The following CLSTN2 variants were observed in gnomAD, a reference collection of about 807,000 sequenced individuals.
CLSTN2 encodes calsyntenin 2, also known as calsyntenin-2.
In CLSTN2, 48 loss-of-function variants were observed where a neutral mutation model predicts 101.2. The ratio of observed to expected loss-of-function variants is 0.47; its 90% confidence interval spans 0.38 to 0.60. CLSTN2 has a LOEUF of 0.60. Ranked by LOEUF, CLSTN2 falls within the 20% of genes least tolerant of loss-of-function variation. The pLI, the probability that CLSTN2 is intolerant of heterozygous loss-of-function variation, is 0.00. For missense variants in CLSTN2, 1,160 were observed against 1,238.2 expected (o/e 0.94, Z 0.95); for synonymous variants, 481 against 463.6 (o/e 1.04, Z -0.48).
Position 140,416,832 on chromosome 3 carries a change from A to C in CLSTN2, c.638-4293A>C, listed in dbSNP as rs367547884. ...TTGGCAGATTTTCTACTTTTCAAGC[A>C]ATTGTTTGGTCTTCATGCAGCCTCA... On this transcript the variant is annotated intron_variant, in intron 4 of 16. Transcript: ENST00000458420. 3.3e-5 allele frequency among the ~76,000 whole-genome samples: 5 copies of C among 152,346 alleles called. No individual in the cohort carries two copies. The East Asian group carries it at 7.7e-4, about 23-fold the overall frequency.
intron 2 of CLSTN2, among the ~76,000 whole-genome samples, chr3:140,378,924 C>T (rs1232054237): frequency 2.0e-5 from 3 of 152,220 alleles, no homozygotes; most frequent in African/African-American, 7.2e-5. Context: ...ACCCTTCCCT[C>T]CCACCTTTCC....
chr3:140,365,600 G>A (rs1020288443), intron 2 of CLSTN2, among the ~76,000 whole-genome samples: 1 of 152,086 alleles, frequency 6.6e-6, no homozygotes, highest in African/African-American at 2.4e-5. Flanking sequence ...GGAAACTAAG[G>A]CCCAGAGAGG....
At chr3:140,178,516 C>T (rs1020724795) in intron 2 of CLSTN2, among the ~76,000 whole-genome samples, 5 of 152,278 alleles carry the variant, frequency 3.3e-5, no homozygotes, top group African/African-American at 1.2e-4. Context: ...AACTTCTATA[C>T]TTCTATGATT....
chr3:140,056,941 C>G (rs80156439), intron 1 of CLSTN2, among the ~76,000 whole-genome samples: 1 of 152,112 alleles, frequency 6.6e-6, no homozygotes, highest in Admixed American at 6.5e-5. Flanking sequence ...GGGTGGGACC[C>G]AGAATCCTGA....
chr3:139,961,730 TAATAA>T (rs1328543472), intron 1 of CLSTN2, among the ~76,000 whole-genome samples: 1 of 152,180 alleles, frequency 6.6e-6, no homozygotes, highest in Non-Finnish European at 1.5e-5. Flanking sequence ...ATTTATTTTA[TAATAA>T]AATATGTTCT....
chr3:140,448,874 A>C (rs1933165034), intron 6 of CLSTN2, among the ~76,000 whole-genome samples, 170 bp downstream of exon 6: 2 of 152,198 alleles, frequency 1.3e-5, no homozygotes, highest in African/African-American at 4.8e-5. Flanking sequence ...TGGAAGGCCC[A>C]GTTTTTGGCA....
At chr3:140,058,937 C>T (rs112520187) in intron 1 of CLSTN2, among the ~76,000 whole-genome samples, 103 of 152,252 alleles carry the variant, frequency 6.8e-4, no homozygotes, top group African/African-American at 2.4e-3. Context: ...GGAGCAGAGA[C>T]AGAGAAGACC....
At chr3:140,019,589 A>G (rs754496452) in intron 1 of CLSTN2, among the ~76,000 whole-genome samples, 3 of 152,246 alleles carry the variant, frequency 2.0e-5, no homozygotes, top group Non-Finnish European at 4.4e-5. Flanking sequence ...AATGTTTGTC[A>G]GACATATTTC....
chr3:140,149,265 G>A (rs1179310928), intron 1 of CLSTN2, among the ~76,000 whole-genome samples: 1 of 152,156 alleles, frequency 6.6e-6, no homozygotes, highest in Non-Finnish European at 1.5e-5. Flanking sequence ...ATGGTAAGCA[G>A]AAACTTTAAC....
In CLSTN2 at chr3:140,351,792, GT is replaced by G. The variant is rs398062856; in HGVS notation, c.233-51825del. The stretch of plus-strand genomic sequence containing the variant: ...AAAACTTATATTCAGGTTTTGTTTT[GT>G]TTTTTTTTTTTCTTAATAGGCTTAA... On this transcript the variant is annotated intron_variant, in intron 2 of 16. Transcript: ENST00000458420. Among the ~76,000 whole-genome samples, 662 of 147,056 alleles carry G rather than the reference GT, an allele frequency of 4.5e-3. 4 individuals carry two copies. The highest frequency in any genetic ancestry group is 9.9e-3 in the African/African-American group (401 of 40,312).
chr3:140,343,589 A>G (rs974821866), intron 2 of CLSTN2, among the ~76,000 whole-genome samples: 10 of 152,252 alleles, frequency 6.6e-5, no homozygotes, highest in African/African-American at 2.2e-4. Flanking sequence ...AGTATTTCTG[A>G]TCTCAGTGAC....
At chr3:140,055,457 G>A (rs2008079540) in intron 1 of CLSTN2, among the ~76,000 whole-genome samples, 2 of 152,334 alleles carry the variant, frequency 1.3e-5, no homozygotes, top group Admixed American at 1.3e-4. Context: ...CCACATGGCT[G>A]TTTTTACATT....
intron 2 of CLSTN2, among the ~76,000 whole-genome samples, chr3:140,383,056 T>C (rs2088004030): frequency 6.6e-6 from 1 of 152,206 alleles, no homozygotes; most frequent in Non-Finnish European, 1.5e-5. Flanking sequence ...CAGAAGATGA[T>C]ATTTTTTGCA....
At chr3:140,304,883 T>G (rs924364286) in intron 2 of CLSTN2, among the ~76,000 whole-genome samples, 2 of 152,174 alleles carry the variant, frequency 1.3e-5, no homozygotes, top group Non-Finnish European at 2.9e-5. Flanking sequence ...TAGGAAATTA[T>G]TTTTTACTTA....
intron 8 of CLSTN2, among the ~76,000 whole-genome samples, chr3:140,522,237 T>G (rs1935045961): frequency 6.6e-6 from 1 of 152,146 alleles, no homozygotes; most frequent in Non-Finnish European, 1.5e-5. Flanking sequence ...AATGTGAGAG[T>G]CTGGATATTT....
intron 5 of CLSTN2, among the ~76,000 whole-genome samples, chr3:140,438,134 A>G (rs1027730916): frequency 6.6e-6 from 1 of 152,102 alleles, no homozygotes; most frequent in African/African-American, 2.4e-5. Flanking sequence ...AATTTTGGCT[A>G]CCTTTCTCAG....
intron 2 of CLSTN2, among the ~76,000 whole-genome samples, chr3:140,311,006 A>G (rs986378118): frequency 2.0e-5 from 3 of 152,170 alleles, no homozygotes; most frequent in African/African-American, 7.2e-5. Flanking sequence ...TAAAGGGCCT[A>G]TGGAGGAAGG....
intron 8 of CLSTN2, among the ~76,000 whole-genome samples, chr3:140,498,213 AAGAG>A (rs1215576204): frequency 1.3e-5 from 2 of 152,180 alleles, no homozygotes; most frequent in African/African-American, 4.8e-5. Flanking sequence ...TGAGAAGAGA[AAGAG>A]AGAAGAGTTT....
chr3:140,257,972 G>T lies in CLSTN2; in HGVS notation c.232+81899G>T, dbSNP rs115326196. Among the ~76,000 whole-genome samples the T allele has an allele frequency of 2.1e-3, 314 of 151,444 alleles. 1 individual carries two copies. Among genetic ancestry groups the T allele is most frequent in the African/African-American group, 6.8e-3 (280 of 41,306 alleles). The stretch of plus-strand genomic sequence containing the variant: ...GTCATTTTGCATTTCTACTAACTGT[G>T]TTCAGTTACCTTTCCTTTCATGAAA... On this transcript the variant is annotated intron_variant, in intron 2 of 16. Coordinates refer to ENST00000458420, the MANE Select transcript of CLSTN2 (RefSeq NM_022131.3).
Sources: gnomAD v4.1 joint callset for allele counts (sites outside exome capture counted in the v4.1 genomes callset) on GRCh38, gnomAD v4.1.1 for gene constraint, MANE v1.5 for transcripts, NCBI Gene and HGNC (gene_info 2026-07-23, HGNC 2026-07-21) for gene names.